The following RXFP2 variants were observed in gnomAD, a reference collection of about 807,000 sequenced individuals.
RXFP2 encodes relaxin family peptide receptor 2.
A neutral mutation model predicts 88.6 loss-of-function variants in RXFP2; 68 were observed. The observed-to-expected ratio is 0.77, with a 90% CI of 0.63 to 0.94. The LOEUF (loss-of-function observed/expected upper bound fraction) is 0.94. Ranked by LOEUF, RXFP2 falls within the 40% of genes least tolerant of loss-of-function variation. The pLI, the probability that RXFP2 is intolerant of heterozygous loss-of-function variation, is 0.00. For synonymous variants in RXFP2, 329 were observed against 306.8 expected (o/e 1.07, Z -0.76); for missense variants, 791 against 893.9 (o/e 0.88, Z 1.47).
intron 16 of RXFP2, among the ~76,000 whole-genome samples, chr13:31,796,476 T>C (rs1305079173): frequency 2.0e-5 from 3 of 151,456 alleles, no homozygotes; most frequent in Admixed American, 2.0e-4. Context: ...GTTGTTTTTA[T>C]TTTTTGAGAT....
intron 7 of RXFP2, among the ~76,000 whole-genome samples, chr13:31,776,600 C>T (rs1872998267): frequency 6.6e-6 from 1 of 152,050 alleles, no homozygotes; most frequent in African/African-American, 2.4e-5. Flanking sequence ...TTATTTTCAT[C>T]TGTAAATTAT....
chr13:31,748,656 A>C (rs1871526911), intron 1 of RXFP2, among the ~76,000 whole-genome samples: 1 of 152,072 alleles, frequency 6.6e-6, no homozygotes, highest in South Asian at 2.1e-4. Context: ...TCTACTCTGC[A>C]GCTTGTCTTT....
In RXFP2 at chr13:31,802,567, ACTAT is replaced by A; in HGVS notation, c.*166_*169del. On this transcript the variant is annotated 3_prime_UTR_variant, in exon 18 of 18. Transcript: ENST00000298386. The stretch of plus-strand genomic sequence containing the variant: ...GTCACTGCATTCCAATGGCAGCTGT[ACTAT>A]CTACCAACCATGCTGAGGACAGCAC... The A allele has an allele frequency of 1.3e-6, 1 of 795,530 alleles. No individual in the cohort carries two copies. Among genetic ancestry groups the A allele is most frequent in the East Asian group, 2.5e-5 (1 of 40,750 alleles). 49.3% of individuals were successfully genotyped at this position (795,530 alleles called of 1,614,324 possible). A position where few individuals can be genotyped will look rare whatever the true frequency, so the allele number is the denominator to read the frequency against.
Position 31,771,256 on chromosome 13 carries a change from C to T in RXFP2, c.498-3364C>T, listed in dbSNP as rs946169702. ...GGTTCCCAGACCCCAAATCACAGAG[C>T]GGTACCAGTCTGTGGCATGTTAGGA... On this transcript the variant is annotated intron_variant, in intron 5 of 17. Coordinates refer to ENST00000298386, the MANE Select transcript of RXFP2 (RefSeq NM_130806.5). Among the ~76,000 whole-genome samples the T allele has an allele frequency of 3.9e-5, 6 of 152,266 alleles. No individual in the cohort carries two copies. In the East Asian group the frequency reaches 7.7e-4, roughly 20 times the overall value.
intron 3 of RXFP2, 123 bp downstream of exon 3, chr13:31,761,924 A>C: frequency 1.5e-6 from 1 of 677,382 alleles, no homozygotes; most frequent in East Asian, 3.0e-5. Context: ...AATGTATTTC[A>C]CTGGCTAACA....
intron 5 of RXFP2, among the ~76,000 whole-genome samples, chr13:31,770,350 A>C (rs929167916): frequency 1.3e-5 from 2 of 152,142 alleles, no homozygotes; most frequent in African/African-American, 4.8e-5. Context: ...CTTTCTCTGG[A>C]TTCCTCAGCA....
At position 31,750,008 on chromosome 13, in the gene RXFP2, G is replaced by T. The variant is rs1177729833; in HGVS notation, c.95-8250G>T. ...AGATAACTACACTTAATTAAATCAA[G>T]TAAGTTACCTTCTATTTTTAGTTTG... On this transcript the variant is annotated intron_variant, in intron 1 of 17. Transcript: ENST00000298386. 2.0e-5 allele frequency among the ~76,000 whole-genome samples: 3 copies of T among 152,138 alleles called. No individual in the cohort carries two copies. The East Asian group carries it at 5.8e-4, about 29-fold the overall frequency.
intron 16 of RXFP2, 119 bp downstream of exon 16, chr13:31,793,207 T>C (rs949285048): frequency 9.9e-6 from 9 of 913,304 alleles, no homozygotes; most frequent in African/African-American, 6.7e-5. Flanking sequence ...GACTGTGTCC[T>C]TTTTCACACA....
intron 1 of RXFP2, among the ~76,000 whole-genome samples, chr13:31,746,047 C>A (rs921286260): frequency 6.6e-6 from 1 of 152,232 alleles, no homozygotes; most frequent in Non-Finnish European, 1.5e-5. Context: ...CAAATAACTT[C>A]TCCGCTTCAT....
At chr13:31,763,014 G>A (rs1204732479) in intron 3 of RXFP2, among the ~76,000 whole-genome samples, 2 of 151,612 alleles carry the variant, frequency 1.3e-5, no homozygotes, top group Non-Finnish European at 2.9e-5. Flanking sequence ...TGCAGAGAAT[G>A]GATTAGAGCA....
At position 31,739,719 on chromosome 13, in the gene RXFP2, C is replaced by G; in HGVS notation, c.94+13C>G. 6.5e-7 allele frequency: 1 copy of G among 1,548,138 alleles called. No individual in the cohort carries two copies. Among genetic ancestry groups the G allele is most frequent in the East Asian group, 2.2e-5 (1 of 44,558 alleles). On this transcript the variant is annotated intron_variant, in intron 1 of 17. Transcript: ENST00000298386. ...ATCAATGTCAAAGGTAAGGTTGCTACTTTCTCGTTTTAAATGAGTGCAATT... is the reference window on the plus strand; with the variant it reads ...ATCAATGTCAAAGGTAAGGTTGCTAGTTTCTCGTTTTAAATGAGTGCAATT...
intron 11 of RXFP2, among the ~76,000 whole-genome samples, chr13:31,783,672 C>T (rs1018322786): frequency 2.6e-5 from 4 of 152,178 alleles, no homozygotes; most frequent in Non-Finnish European, 5.9e-5. Context: ...TAGGCAAAAA[C>T]TTAAAGGCAG....
intron 9 of RXFP2, among the ~76,000 whole-genome samples, chr13:31,780,553 A>G (rs1309274760): frequency 6.6e-6 from 1 of 152,216 alleles, no homozygotes; most frequent in Non-Finnish European, 1.5e-5. Flanking sequence ...AAAATGACAA[A>G]GGGATTGGTG....
chr13:31,791,201 T>C (rs1381450894), intron 14 of RXFP2, among the ~76,000 whole-genome samples: 1 of 152,116 alleles, frequency 6.6e-6, no homozygotes, highest in African/African-American at 2.4e-5. Context: ...CAAACAAACT[T>C]ATTTTCCCAT....
At chr13:31,763,568 A>T (rs544927889) in intron 3 of RXFP2, among the ~76,000 whole-genome samples, 3 of 152,214 alleles carry the variant, frequency 2.0e-5, no homozygotes, top group African/African-American at 7.2e-5. Context: ...TAAAAGAGTT[A>T]CTGGTTATTA....
intron 17 of RXFP2, among the ~76,000 whole-genome samples, chr13:31,800,629 A>G (rs915285434): frequency 6.6e-6 from 1 of 152,192 alleles, no homozygotes; most frequent in Non-Finnish European, 1.5e-5. Flanking sequence ...ACTTAAGTCT[A>G]TGGCCATACC....
intron 7 of RXFP2, 122 bp downstream of exon 7, chr13:31,775,511 T>TG: frequency 1.3e-6 from 1 of 791,024 alleles, no homozygotes. Context: ...CTGATTATCA[T>TG]ATAATCTGCA....
intron 3 of RXFP2, 35 bp from the exon 4 acceptor site, chr13:31,765,002 T>G (rs542941724): frequency 1.8e-6 from 2 of 1,083,208 alleles, no homozygotes; most frequent in African/African-American, 3.1e-5. Flanking sequence ...ATGTATTTGT[T>G]TACTAGTGAA....
At chr13:31,776,105 T>C (rs202033027) in intron 7 of RXFP2, among the ~76,000 whole-genome samples, 51 of 129,690 alleles carry the variant, frequency 3.9e-4, no homozygotes, top group African/African-American at 1.5e-3. Flanking sequence ...TCTTTTCTTT[T>C]CTTTCTTTCT....
Sources: allele counts gnomAD v4.1 joint callset (sites outside exome capture counted in the v4.1 genomes callset), GRCh38; gene constraint gnomAD v4.1.1; transcripts MANE v1.5; gene names NCBI Gene and HGNC (gene_info 2026-07-23, HGNC 2026-07-21).